CNTNAP2: variants seen among roughly 807,000 people sequenced by gnomAD.
CNTNAP2 encodes the protein contactin associated protein 2.
In CNTNAP2, 98 loss-of-function variants were observed where a neutral mutation model predicts 155.2. The ratio of observed to expected loss-of-function variants is 0.63; its 90% CI spans 0.54 to 0.75. CNTNAP2 has a LOEUF of 0.75. Ranked by LOEUF, CNTNAP2 falls within the 30% of genes least tolerant of loss-of-function variation. The pLI, the probability that CNTNAP2 is intolerant of heterozygous loss-of-function variation, is 0.00. For synonymous variants in CNTNAP2, 651 were observed against 631.2 expected (o/e 1.03, Z -0.47); for missense variants, 1,727 against 1,688.1 (o/e 1.02, Z -0.40).
intron 1 of CNTNAP2, among the ~76,000 whole-genome samples, chr7:146,732,260 A>C (rs1801538886): frequency 6.6e-6 from 1 of 152,184 alleles, no homozygotes; most frequent in Non-Finnish European, 1.5e-5. Flanking sequence ...AAAGCCGATG[A>C]CATAAAAGCT....
At chr7:146,229,008 G>C (rs1329288047) in intron 1 of CNTNAP2, among the ~76,000 whole-genome samples, 3 of 152,010 alleles carry the variant, frequency 2.0e-5, no homozygotes. Flanking sequence ...CTATCTATTA[G>C]ATCACTGAAC....
intron 18 of CNTNAP2, among the ~76,000 whole-genome samples, chr7:148,212,162 G>C (rs1344635810): frequency 6.6e-6 from 1 of 150,718 alleles, no homozygotes; most frequent in Non-Finnish European, 1.5e-5. Flanking sequence ...TTCTCCCACT[G>C]TAAGCCTCGG....
intron 13 of CNTNAP2, among the ~76,000 whole-genome samples, chr7:147,875,113 C>T (rs1799400414): frequency 1.3e-5 from 2 of 152,218 alleles, no homozygotes; most frequent in Admixed American, 1.3e-4. Context: ...CTGCCTGTTA[C>T]CCAGTTCCAA....
At chr7:148,044,410 T>C (rs986506631) in intron 15 of CNTNAP2, among the ~76,000 whole-genome samples, 3 of 152,182 alleles carry the variant, frequency 2.0e-5, no homozygotes, top group African/African-American at 7.2e-5. Flanking sequence ...GCAGATGGCC[T>C]TGTGGCGTGC....
intron 21 of CNTNAP2, among the ~76,000 whole-genome samples, chr7:148,336,832 T>C (rs1455594368): frequency 6.6e-6 from 1 of 152,220 alleles, no homozygotes; most frequent in Non-Finnish European, 1.5e-5. Flanking sequence ...AGAATCCCAA[T>C]AGTGTGGAAA....
At chr7:148,249,353 A>G (rs1300214510) in intron 20 of CNTNAP2, among the ~76,000 whole-genome samples, 2 of 151,928 alleles carry the variant, frequency 1.3e-5, no homozygotes, top group African/African-American at 4.8e-5. Context: ...CTTCTCCCTC[A>G]TGGGCCCCTT....
chr7:148,266,392 A>G (rs111336348), intron 20 of CNTNAP2, among the ~76,000 whole-genome samples: 64 of 152,240 alleles, frequency 4.2e-4, no homozygotes, highest in African/African-American at 1.5e-3. Context: ...TGATTCTGAC[A>G]CCACCATTGG....
chr7:147,443,264 C>T (rs566941120), intron 10 of CNTNAP2, among the ~76,000 whole-genome samples: 4 of 152,106 alleles, frequency 2.6e-5, no homozygotes, highest in Non-Finnish European at 4.4e-5. Flanking sequence ...TGGGTGTCAG[C>T]GGAGTTTGAT....
Position 147,992,087 on chromosome 7 carries a change from C to CTTTTTTTTTTT in CNTNAP2, c.2383+14113_2383+14123dup, listed in dbSNP as rs36015914. Among the ~76,000 whole-genome samples, 13 of 72,770 alleles carry CTTTTTTTTTTT rather than the reference C, an allele frequency of 1.8e-4. 2 individuals are homozygous for CTTTTTTTTTTT. The highest frequency in any genetic ancestry group is 5.7e-4 in the African/African-American group (10 of 17,434). 47.7% of individuals were successfully genotyped at this position (72,770 alleles called of 152,430 possible). On this transcript the variant is annotated intron_variant, in intron 15 of 23. Coordinates refer to ENST00000361727, the MANE Select transcript of CNTNAP2 (RefSeq NM_014141.6). ...AAACATAAGATTTGTATTACTACCT[C>CTTTTTTTTTTT]TTTTTTTTTTTTTTTTTTTTTTTTT...
At chr7:147,278,712 G>A (rs1331311689) in intron 8 of CNTNAP2, among the ~76,000 whole-genome samples, 1 of 151,264 alleles carries the variant, frequency 6.6e-6, no homozygotes, top group Admixed American at 6.6e-5. Context: ...ATAAATAAAA[G>A]CGTGATAATT....
intron 15 of CNTNAP2, among the ~76,000 whole-genome samples, chr7:148,021,558 C>G (rs542923547): frequency 1.3e-5 from 2 of 152,278 alleles, no homozygotes; most frequent in South Asian, 2.1e-4. Flanking sequence ...TGTGGGAGAA[C>G]GGAAGGCCTC....
intron 3 of CNTNAP2, among the ~76,000 whole-genome samples, chr7:146,978,748 AATATAT>A (rs1797959238): frequency 6.6e-6 from 1 of 151,504 alleles, no homozygotes; most frequent in Non-Finnish European, 1.5e-5. Flanking sequence ...TACTTTACTA[AATATAT>A]ATTTATTAAT....
intron 14 of CNTNAP2, among the ~76,000 whole-genome samples, chr7:147,972,318 T>G (rs531206288): frequency 2.0e-5 from 3 of 152,346 alleles, no homozygotes; most frequent in African/African-American, 4.8e-5. Context: ...CCATCTACTC[T>G]GCTAGAATTA....
chr7:146,446,666 A>G (rs1796407198), intron 1 of CNTNAP2, among the ~76,000 whole-genome samples: 1 of 152,154 alleles, frequency 6.6e-6, no homozygotes, highest in African/African-American at 2.4e-5. Context: ...GGATTCTGTC[A>G]CATGCTGATT....
rs1585362825 is a variant in CNTNAP2 at position 148,415,577 on chromosome 7, A to G, written c.3957A>G (p.Thr1319=). 1.2e-6 allele frequency: 2 copies of G among 1,614,244 alleles called. No individual in the cohort carries two copies. The highest frequency in any genetic ancestry group is 1.7e-6 in the Non-Finnish European group (2 of 1,180,046). The change falls in exon 24 of 24, where the codon ACA becomes ACG. Residue 1319 remains threonine (T), a synonymous_variant. Transcript: ENST00000361727. ...TCATGAACAACGACCCCAACTTCAC[A>G]GAGACCATTGATGAAAGCAAAAAGG... The part of the protein sequence containing the change: ...AAIMNNDPNF[T]ETIDESKKEW...
At chr7:146,555,856 AT>A (rs1325133972) in intron 1 of CNTNAP2, among the ~76,000 whole-genome samples, 3 of 151,996 alleles carry the variant, frequency 2.0e-5, no homozygotes, top group East Asian at 1.9e-4. Flanking sequence ...CAACATACAC[AT>A]TTTTTTTCTT....
At chr7:147,420,697 C>A (rs1315585356) in intron 10 of CNTNAP2, among the ~76,000 whole-genome samples, 2 of 152,074 alleles carry the variant, frequency 1.3e-5, no homozygotes, top group Non-Finnish European at 2.9e-5. Flanking sequence ...GAAATACTAA[C>A]GTTGCATTCA....
chr7:147,840,770 G>A (rs1382568988), intron 13 of CNTNAP2, among the ~76,000 whole-genome samples: 1 of 152,066 alleles, frequency 6.6e-6, no homozygotes, highest in Non-Finnish European at 1.5e-5. Flanking sequence ...AAGATAGAAA[G>A]GTACTCACAT....
At chr7:147,073,883 G>A (rs1799946071) in intron 4 of CNTNAP2, among the ~76,000 whole-genome samples, 1 of 152,148 alleles carries the variant, frequency 6.6e-6, no homozygotes, top group Non-Finnish European at 1.5e-5. Context: ...TGGGGATGAA[G>A]GGTGGGGTTA....
Sources: allele counts gnomAD v4.1 joint callset (sites outside exome capture counted in the v4.1 genomes callset), GRCh38; gene constraint gnomAD v4.1.1; transcripts MANE v1.5; gene names NCBI Gene and HGNC (gene_info 2026-07-23, HGNC 2026-07-21).